The following CACNA2D1 variants were observed in gnomAD, a reference collection of about 807,000 sequenced individuals.
CACNA2D1 encodes voltage-dependent calcium channel subunit alpha-2/delta-1.
Under a neutral mutation model 171.5 loss-of-function variants are expected in CACNA2D1, and 53 were observed. That is an observed-to-expected ratio of 0.31 (90% CI 0.25 to 0.39). The LOEUF is 0.39. Among genes scored for constraint, CACNA2D1 ranks in the 10% least tolerant of loss-of-function variants. The probability of loss-of-function intolerance (pLI) is 1.00; values close to 1 mark genes in which losing one functional copy is unlikely to be tolerated. For missense variants in CACNA2D1, 903 were observed against 1,299.8 expected, an observed-to-expected ratio of 0.69 and a Z score of 4.69; for synonymous variants, 442 against 443.1, an observed-to-expected ratio of 1.00 and a Z score of 0.03.
At chr7:82,269,265 T>A (rs924033413) in intron 3 of CACNA2D1, among the ~76,000 whole-genome samples, 1 of 152,178 alleles carries the variant, frequency 6.6e-6, no homozygotes, top group Admixed American at 6.6e-5. Context: ...GCTGCCAATG[T>A]AAATTTACAA....
intron 18 of CACNA2D1, among the ~76,000 whole-genome samples, chr7:82,000,929 T>C (rs528508987): frequency 3.3e-5 from 5 of 151,704 alleles, no homozygotes; most frequent in Non-Finnish European, 7.4e-5. Context: ...GTGGCCGGCC[T>C]TAATGTCACC....
In CACNA2D1 at chr7:81,964,078, A is replaced by G; in HGVS notation, c.2758T>C (p.Trp920Arg). ...PSVADILQIGWWATAAAWSIL... is the reference protein window; with the variant it reads ...PSVADILQIGRWATAAAWSIL... ...TACCAGGCAGCAGCAGTGGCCCACCAGCCAATTTGTAATATGTCTGCTACT... is the reference window on the plus strand; with the variant it reads ...TACCAGGCAGCAGCAGTGGCCCACCGGCCAATTTGTAATATGTCTGCTACT... The change falls in exon 34 of 39, where the codon TGG becomes CGG. Residue 920 changes from tryptophan to arginine, a missense_variant. By Grantham distance (101) the Trp-to-Arg change is moderately radical (BLOSUM62 -3). Around this residue, in one of 5 missense-constraint regions of CACNA2D1, gnomAD observed 623 missense variants for 925.5 expected, o/e 0.67. Coordinates refer to ENST00000356860, the MANE Select transcript of CACNA2D1 (RefSeq NM_000722.4). 1 of 1,612,254 alleles carries G rather than the reference A, an allele frequency of 6.2e-7. No individual in the cohort carries two copies. Among genetic ancestry groups the G allele is most frequent in the East Asian group, 2.2e-5 (1 of 44,798 alleles).
In CACNA2D1 at chr7:82,127,498, A is replaced by C. The variant is rs1790460926; in HGVS notation, c.396+9137T>G. On this transcript the variant is annotated intron_variant, in intron 5 of 38. Coordinates refer to ENST00000356860, the MANE Select transcript of CACNA2D1 (RefSeq NM_000722.4). Reference sequence around the variant, plus strand: ...TTCAGCAATTACTGTATACTATAAAATAAACTAAATATTATTTCTACCTCA... The same window carrying C: ...TTCAGCAATTACTGTATACTATAAACTAAACTAAATATTATTTCTACCTCA... 3.3e-5 allele frequency among the ~76,000 whole-genome samples: 5 copies of C among 152,212 alleles called. No homozygotes were observed. In the South Asian group the frequency reaches 1.0e-3, roughly 32 times the overall value.
intron 12 of CACNA2D1, among the ~76,000 whole-genome samples, chr7:82,016,341 C>G (rs1800444777): frequency 6.6e-6 from 1 of 152,126 alleles, no homozygotes; most frequent in Non-Finnish European, 1.5e-5. Context: ...GGATCTCTCT[C>G]ATAACTAACA....
chr7:82,423,385 G>A (rs373289108), intron 1 of CACNA2D1, among the ~76,000 whole-genome samples: 6 of 152,218 alleles, frequency 3.9e-5, no homozygotes, highest in African/African-American at 1.4e-4. Flanking sequence ...AAAGGGAATA[G>A]CTACCTTCAG....
chr7:82,112,532 C>G (rs947961912), intron 6 of CACNA2D1, among the ~76,000 whole-genome samples: 6 of 152,160 alleles, frequency 3.9e-5, no homozygotes, highest in African/African-American at 1.4e-4. Context: ...CCCAAGAACA[C>G]CAAACACCTT....
At chr7:82,165,560 G>A (rs1795366053) in intron 4 of CACNA2D1, among the ~76,000 whole-genome samples, 2 of 151,902 alleles carry the variant, frequency 1.3e-5, no homozygotes, top group African/African-American at 4.8e-5. Flanking sequence ...TTTTTATGCT[G>A]GTGTTGTAAT....
At position 82,084,836 on chromosome 7, in the gene CACNA2D1, G is replaced by A. The variant is rs749757910; in HGVS notation, c.591C>T (p.Arg197=). The change falls in exon 7 of 39, where the codon CGC becomes CGT. Residue 197 remains arginine, a synonymous_variant. Transcript: ENST00000356860. ...GCCACAATAATGAAGGGTCTTCCTC[G>A]CGATTCTTTTTGAAAACTTCATCTA... ...SALDEVFKKN[R]EEDPSLLWQV... 108 of 1,613,700 alleles carry A rather than the reference G, an allele frequency of 6.7e-5. No homozygotes were observed. In the East Asian group the frequency reaches 1.4e-3, roughly 21 times the overall value.
intron 1 of CACNA2D1, among the ~76,000 whole-genome samples, chr7:82,434,666 C>T (rs919125056): frequency 9.9e-5 from 15 of 152,098 alleles, no homozygotes; most frequent in African/African-American, 3.6e-4. Flanking sequence ...AGGATAATGT[C>T]TTCCTCTGAA....
intron 4 of CACNA2D1, among the ~76,000 whole-genome samples, chr7:82,154,037 T>G (rs896186566): frequency 9.9e-5 from 15 of 152,136 alleles, no homozygotes; most frequent in Non-Finnish European, 1.5e-5. Flanking sequence ...CTAGCATGAT[T>G]CTCTGTATGT....
intron 3 of CACNA2D1, among the ~76,000 whole-genome samples, chr7:82,304,778 G>A (rs1413114621): frequency 6.6e-6 from 1 of 152,122 alleles, no homozygotes; most frequent in Non-Finnish European, 1.5e-5. Context: ...CAATGAAAGA[G>A]AAGGAATGAG....
At chr7:82,355,631 C>A (rs550948836) in intron 1 of CACNA2D1, among the ~76,000 whole-genome samples, 1 of 152,132 alleles carries the variant, frequency 6.6e-6, no homozygotes, top group African/African-American at 2.4e-5. Context: ...GCTCCACTGC[C>A]CTCTTGAGAC....
At chr7:82,328,571 C>A (rs1816921358) in intron 3 of CACNA2D1, among the ~76,000 whole-genome samples, 1 of 152,176 alleles carries the variant, frequency 6.6e-6, no homozygotes, top group Non-Finnish European at 1.5e-5. Context: ...AAGAAAATTG[C>A]ATGACCTCGA....
At chr7:82,320,945 A>ATATATATATAAAGCCATT (rs947022854) in intron 3 of CACNA2D1, among the ~76,000 whole-genome samples, 2 of 152,040 alleles carry the variant, frequency 1.3e-5, no homozygotes, top group Non-Finnish European at 2.9e-5. Context: ...AAAGCCATTT[A>ATATATATATAAAGCCATT]TATATATATA....
chr7:82,280,191 A>AT (rs1437137223), intron 3 of CACNA2D1, among the ~76,000 whole-genome samples: 1 of 152,204 alleles, frequency 6.6e-6, no homozygotes, highest in East Asian at 1.9e-4. Context: ...CTTGTATGAT[A>AT]TTTTATTGTT....
chr7:82,387,964 C>A (rs1300767117), intron 1 of CACNA2D1, among the ~76,000 whole-genome samples: 1 of 151,814 alleles, frequency 6.6e-6, no homozygotes, highest in Non-Finnish European at 1.5e-5. Flanking sequence ...GGCCTGTAGT[C>A]CCAGCTACTT....
chr7:82,385,455 T>C (rs1824228286), intron 1 of CACNA2D1, among the ~76,000 whole-genome samples: 1 of 152,198 alleles, frequency 6.6e-6, no homozygotes, highest in Non-Finnish European at 1.5e-5. Flanking sequence ...ATAGTTGAAA[T>C]AGTCCATTGT....
intron 1 of CACNA2D1, among the ~76,000 whole-genome samples, chr7:82,427,321 A>G (rs1482085664): frequency 6.6e-6 from 1 of 152,244 alleles, no homozygotes; most frequent in Non-Finnish European, 1.5e-5. Flanking sequence ...CAAGCATGGG[A>G]GTGCTCAAGT....
At chr7:82,265,118 C>T (rs1807653762) in intron 3 of CACNA2D1, among the ~76,000 whole-genome samples, 1 of 152,134 alleles carries the variant, frequency 6.6e-6, no homozygotes, top group African/African-American at 2.4e-5. Flanking sequence ...TTAGGAAAAT[C>T]GAACTGCATC....
Sources: gnomAD v4.1 joint callset for allele counts (sites outside exome capture counted in the v4.1 genomes callset) on GRCh38, gnomAD v4.1.1 for gene constraint, gnomAD v4.1.1 regional missense constraint, MANE v1.5 for transcripts, NCBI Gene and HGNC (gene_info 2026-07-23, HGNC 2026-07-21) for gene names.